PXMP2: variants seen among roughly 807,000 people sequenced by gnomAD.
PXMP2 encodes 22 kDa peroxisomal membrane protein.
A neutral mutation model predicts 20.2 loss-of-function variants in PXMP2; 13 were observed. The ratio of observed to expected loss-of-function variants is 0.64; its 90% CI spans 0.42 to 1.02. PXMP2 has a LOEUF of 1.02. PXMP2 is among the 50% of genes least tolerant of loss of function. The pLI is 0.00. For synonymous variants in PXMP2, 113 were observed against 111.2 expected (o/e 1.02, Z -0.10); for missense variants, 284 against 251.8 (o/e 1.13, Z -0.87).
rs368113925 is a variant in PXMP2 at position 132,701,452 on chromosome 12, C to T, written c.519+83C>T. 3,275 of 1,502,810 alleles carry T rather than the reference C, an allele frequency of 2.2e-3. 71 individuals are homozygous for T. The African/African-American group carries it at 0.039, about 18-fold the overall frequency. 93.1% of individuals were successfully genotyped at this position (1,502,810 alleles called of 1,614,324 possible). On this transcript the variant is annotated intron_variant, in intron 4 of 4. Transcript: ENST00000317479. Reference sequence around the variant, plus strand: ...TCCTTCCTTCCTCTTTCCTCCCCCCCTCCCTCCCCTCTTCTTTTCTCTTCT... The same window carrying T: ...TCCTTCCTTCCTCTTTCCTCCCCCCTTCCCTCCCCTCTTCTTTTCTCTTCT...
In PXMP2 at chr12:132,704,646, G is replaced by T; in HGVS notation, c.547G>T (p.Ala183Ser). The T allele has an allele frequency of 6.7e-7, 1 of 1,500,438 alleles. No individual in the cohort carries two copies. Among genetic ancestry groups the T allele is most frequent in the Non-Finnish European group, 8.9e-7 (1 of 1,120,058 alleles). 92.9% of individuals were successfully genotyped at this position (1,500,438 alleles called of 1,614,324 possible). The change falls in exon 5 of 5, where the codon GCT becomes TCT. Residue 183 changes from alanine to serine, a missense_variant. Physicochemically the swap from Ala to Ser is moderately conservative, Grantham distance 99. Coordinates refer to ENST00000317479, the MANE Select transcript of PXMP2 (RefSeq NM_018663.3). ...CCGGGTGCTCTTCGCCAACCTGGCA[G>T]CTCTGTTCTGGTATGCCTACCTGGC... Reference protein sequence around the residue: ...KFRVLFANLAALFWYAYLASL... With the variant: ...KFRVLFANLASLFWYAYLASL...
intron 2 of PXMP2, among the ~76,000 whole-genome samples, chr12:132,694,043 C>G (rs2043391447): frequency 7.7e-6 from 1 of 130,568 alleles, no homozygotes; most frequent in Admixed American, 7.9e-5. Flanking sequence ...AGCGCCCTTG[C>G]CAGTTAGTTA....
In PXMP2 at chr12:132,687,684, C is replaced by T. The variant is rs950782016; in HGVS notation, c.14C>T (p.Ala5Val). Residue 5 changes from alanine (A) to valine (V), a missense_variant, in exon 1 of 5, where the codon GCG (alanine) becomes GTG (valine). Physicochemically the swap from Ala to Val is moderately conservative, Grantham distance 64. Transcript: ENST00000317479. ...GCTGGGGAGGCGATGGCGCCGGCCG[C>T]GTCCAGGCTGCGGGCCGAAGCCGGG... MAPA[A>V]SRLRAEAGLG... The T allele has an allele frequency of 3.8e-5, 45 of 1,179,046 alleles. No homozygotes were observed. The African/African-American group carries it at 6.3e-4, about 17-fold the overall frequency. 73.0% of individuals were successfully genotyped at this position (1,179,046 alleles called of 1,614,324 possible).
chr12:132,693,641 C>CAGTTAGTGAGCGCCCTTGCCAGTT (rs1565991045), intron 2 of PXMP2, among the ~76,000 whole-genome samples: 83 of 49,826 alleles, frequency 1.7e-3, no homozygotes, highest in Non-Finnish European at 3.3e-3. Context: ...GCGCCCTTGC[C>CAGTTAGTGAGCGCCCTTGCCAGTT]AGTTAGTGAG....
At chr12:132,697,648 C>G (rs893760570) in intron 3 of PXMP2, among the ~76,000 whole-genome samples, 3 of 151,992 alleles carry the variant, frequency 2.0e-5, no homozygotes, top group Non-Finnish European at 4.4e-5. Flanking sequence ...CCTCGTGATC[C>G]GCCTGCCTTG....
chr12:132,698,870 G>A (rs974167077), intron 3 of PXMP2, among the ~76,000 whole-genome samples: 2 of 152,022 alleles, frequency 1.3e-5, no homozygotes, highest in Admixed American at 6.6e-5. Context: ...CAAGTGATAT[G>A]CCCACCTTGG....
intron 2 of PXMP2, 71 bp from the exon 3 acceptor site, chr12:132,695,813 G>T: frequency 6.8e-7 from 1 of 1,479,046 alleles, no homozygotes; most frequent in Non-Finnish European, 9.1e-7. Context: ...TGGGATTTGG[G>T]GGTGAAGCTA....
At chr12:132,692,010 T>C (rs1007520140) in intron 2 of PXMP2, among the ~76,000 whole-genome samples, 3 of 151,672 alleles carry the variant, frequency 2.0e-5, no homozygotes, top group Non-Finnish European at 3.0e-5. Flanking sequence ...GTGAGCACCC[T>C]TGCCAGTTAG....
At chr12:132,692,249 G>C (rs924134108) in intron 2 of PXMP2, among the ~76,000 whole-genome samples, 1 of 123,158 alleles carries the variant, frequency 8.1e-6, no homozygotes, top group East Asian at 2.6e-4. Flanking sequence ...TGAGCTCCCT[G>C]AGCCAGTTAG....
rs372230681 is a variant in PXMP2 at position 132,700,163 on chromosome 12, T to C, written c.400-1087T>C. Among the ~76,000 whole-genome samples, 11 of 151,202 alleles carry C rather than the reference T, an allele frequency of 7.3e-5. No homozygotes were observed. The East Asian group carries it at 2.1e-3, about 29-fold the overall frequency. ...TTCAAGTGATTCTCCTGCCTCAGCC[T>C]CCTGAGTAGCTGGGATTACAGGCAC... On this transcript the variant is annotated intron_variant, in intron 3 of 4. Transcript: ENST00000317479.
At chr12:132,700,154 G>C (rs2043431282) in intron 3 of PXMP2, among the ~76,000 whole-genome samples, 1 of 150,966 alleles carries the variant, frequency 6.6e-6, no homozygotes, top group Admixed American at 6.6e-5. Flanking sequence ...TGATTCTCCT[G>C]CCTCAGCCTC....
Position 132,703,093 on chromosome 12 carries a change from G to C in PXMP2, c.520-1526G>C, listed in dbSNP as rs138778776. On this transcript the variant is annotated intron_variant, in intron 4 of 4. Transcript: ENST00000317479. ...GGCTGAAGCCAGATTGCCTTGAAGA[G>C]TGGGTGGGAATTATTTTAAAAATCA... 1.8e-3 allele frequency among the ~76,000 whole-genome samples: 276 copies of C among 152,326 alleles called. 2 individuals carry two copies. Among genetic ancestry groups the C allele is most frequent in the African/African-American group, 6.4e-3 (266 of 41,566 alleles).
At position 132,696,974 on chromosome 12, in the gene PXMP2, CA is replaced by C. The variant is rs111924440; in HGVS notation, c.399+938del. On this transcript the variant is annotated intron_variant, in intron 3 of 4. Transcript: ENST00000317479. The surrounding 1 kb of genome is among the most constrained non-coding windows in gnomAD (Gnocchi z 4.4). ...TGGGCAACAGAGCAAGACTCTGCCT[CA>C]AAAAAAAAAGAAAAAAGAAAAAAGA... 3.4e-4 allele frequency among the ~76,000 whole-genome samples: 47 copies of C among 139,562 alleles called. No individual in the cohort carries two copies. The highest frequency in any genetic ancestry group is 7.6e-3 in the Middle Eastern group (2 of 264). The allele number at this position is 139,562 out of a possible 152,430, so 91.6% of individuals were successfully genotyped here.
intron 2 of PXMP2, among the ~76,000 whole-genome samples, chr12:132,694,545 G>A (rs1423186705): frequency 1.1e-5 from 1 of 87,824 alleles, no homozygotes; most frequent in Admixed American, 1.1e-4. Context: ...GATAGTGAGC[G>A]CCCTTGCCAG....
At position 132,699,526 on chromosome 12, in the gene PXMP2, C is replaced by CTTTTTTTT. The variant is rs67730658; in HGVS notation, c.400-1709_400-1702dup. Among the ~76,000 whole-genome samples the CTTTTTTTT allele has an allele frequency of 3.0e-5, 3 of 100,522 alleles. 1 individual carries two copies. The highest frequency in any genetic ancestry group is 1.2e-4 in the African/African-American group (3 of 25,430). 65.9% of individuals were successfully genotyped at this position (100,522 alleles called of 152,430 possible). A position where few individuals can be genotyped will look rare whatever the true frequency, so the allele number is the denominator to read the frequency against. ...AATCGACGTCACTGCAAAAGACATG[C>CTTTTTTTT]TTTTTTTTTTTTTTTTTTTTTTGAC... On this transcript the variant is annotated intron_variant, in intron 3 of 4. Coordinates refer to ENST00000317479, the MANE Select transcript of PXMP2 (RefSeq NM_018663.3).
At chr12:132,690,490 C>T in intron 2 of PXMP2, 114 bp downstream of exon 2, 1 of 780,562 alleles carries the variant, frequency 1.3e-6, no homozygotes, top group Non-Finnish European at 2.1e-6. Flanking sequence ...TTTTAAAAAC[C>T]ATTGTAGTAA....
At chr12:132,702,143 A>C (rs1051677666) in intron 4 of PXMP2, among the ~76,000 whole-genome samples, 1 of 152,272 alleles carries the variant, frequency 6.6e-6, no homozygotes, top group African/African-American at 2.4e-5. Context: ...CCCTGGGCTC[A>C]TGAATTACAG....
In PXMP2 at chr12:132,704,008, C is replaced by T. The variant is rs192399810; in HGVS notation, c.520-611C>T. On this transcript the variant is annotated intron_variant, in intron 4 of 4. Transcript: ENST00000317479. Reference sequence around the variant, plus strand: ...CATCCTAGGTGGGTGCAGGTGTATGCGGAAGCAGCATTCATTCAGCAAGCG... The same window carrying T: ...CATCCTAGGTGGGTGCAGGTGTATGTGGAAGCAGCATTCATTCAGCAAGCG... 4.3e-3 allele frequency among the ~76,000 whole-genome samples: 656 copies of T among 152,184 alleles called. 6 individuals are homozygous for T. Among genetic ancestry groups the T allele is most frequent in the African/African-American group, 0.015 (633 of 41,500 alleles).
intron 4 of PXMP2, chr12:132,702,544 C>A: frequency 3.2e-6 from 1 of 314,904 alleles, no homozygotes; most frequent in South Asian, 2.4e-5. Flanking sequence ...GCAGGGGCCA[C>A]GTGCTTCCCT....
Sources: gnomAD v4.1 joint callset for allele counts (sites outside exome capture counted in the v4.1 genomes callset) on GRCh38, gnomAD v4.1.1 for gene constraint, Gnocchi (gnomAD v3.1) non-coding constraint, MANE v1.5 for transcripts, NCBI Gene and HGNC (gene_info 2026-07-23, HGNC 2026-07-21) for gene names.